Variants in AGFG1 observed in about 807,000 individuals in gnomAD.
AGFG1 encodes the protein arf-GAP domain and FG repeat-containing protein 1.
A neutral mutation model predicts 60.6 loss-of-function variants in AGFG1; 10 were observed. That is an observed-to-expected ratio of 0.16 (90% CI 0.10 to 0.28). The LOEUF is 0.28. Ranked by LOEUF, AGFG1 falls within the 10% of genes least tolerant of loss-of-function variation. The pLI is 1.00. For synonymous variants in AGFG1, 247 were observed against 242.9 expected, an observed-to-expected ratio of 1.02 and a Z score of -0.16; for missense variants, 537 against 676.5, an observed-to-expected ratio of 0.79 and a Z score of 2.29.
intron 2 of AGFG1, among the ~76,000 whole-genome samples, chr2:227,514,949 C>A (rs1160578169): frequency 1.3e-5 from 2 of 152,124 alleles, no homozygotes; most frequent in African/African-American, 4.8e-5. Flanking sequence ...GAGACAGGGT[C>A]TCACTGTATG....
At chr2:227,512,378 A>G (rs1403677858) in intron 2 of AGFG1, among the ~76,000 whole-genome samples, 3 of 152,198 alleles carry the variant, frequency 2.0e-5, no homozygotes, top group Admixed American at 1.3e-4. Context: ...CATTCAGTTT[A>G]TGTATTGTTT....
At chr2:227,490,275 CT>C (rs970929517) in intron 1 of AGFG1, among the ~76,000 whole-genome samples, 1 of 152,042 alleles carries the variant, frequency 6.6e-6, no homozygotes, top group Non-Finnish European at 1.5e-5. Context: ...CTGACAAATT[CT>C]TTAAAAATAT....
intron 2 of AGFG1, among the ~76,000 whole-genome samples, chr2:227,497,928 A>G (rs1400051344): frequency 6.6e-6 from 1 of 151,698 alleles, no homozygotes; most frequent in Non-Finnish European, 1.5e-5. Context: ...AGGACTCAAA[A>G]AAATCCGTGG....
chr2:227,486,360 T>C (rs1249009565), intron 1 of AGFG1, among the ~76,000 whole-genome samples: 1 of 152,194 alleles, frequency 6.6e-6, no homozygotes, highest in East Asian at 1.9e-4. Context: ...TATCATATTG[T>C]AGTAGAGGAG....
At chr2:227,524,320 G>A (rs1208010689) in intron 4 of AGFG1, among the ~76,000 whole-genome samples, 2 of 152,134 alleles carry the variant, frequency 1.3e-5, no homozygotes, top group Non-Finnish European at 2.9e-5. Context: ...TTCTTTAGTA[G>A]TAGAGTTTTC....
At chr2:227,512,102 G>T (rs1200417079) in intron 2 of AGFG1, among the ~76,000 whole-genome samples, 2 of 152,082 alleles carry the variant, frequency 1.3e-5, no homozygotes, top group African/African-American at 2.4e-5. Context: ...ATTTCATATC[G>T]CCTAAGTCTG....
intron 3 of AGFG1, among the ~76,000 whole-genome samples, chr2:227,520,535 G>C (rs1691794399): frequency 6.6e-6 from 1 of 151,718 alleles, no homozygotes; most frequent in Non-Finnish European, 1.5e-5. Context: ...TTTTTCTTTT[G>C]ACCTAAGAAA....
At chr2:227,508,688 A>ATTTTTTTTTTTT in intron 2 of AGFG1, 1 of 394,370 alleles carries the variant, frequency 2.5e-6, no homozygotes. Context: ...CACTGTTGGG[A>ATTTTTTTTTTTT]TTTTTTTTTT....
chr2:227,521,751 T>A (rs770407462), intron 3 of AGFG1, among the ~76,000 whole-genome samples: 1 of 152,210 alleles, frequency 6.6e-6, no homozygotes, highest in Non-Finnish European at 1.5e-5. Context: ...TGAGTAACAG[T>A]TGGTAGAATT....
At chr2:227,497,761 T>TTTTTTTTTTTTTG (rs546987888) in intron 2 of AGFG1, among the ~76,000 whole-genome samples, 6 of 65,160 alleles carry the variant, frequency 9.2e-5, no homozygotes, top group Non-Finnish European at 1.7e-4. Flanking sequence ...TTTTTTTTTT[T>TTTTTTTTTTTTTG]GGGGACGGAG....
intron 2 of AGFG1, among the ~76,000 whole-genome samples, chr2:227,514,904 CG>C (rs2106198896): frequency 6.6e-6 from 1 of 152,202 alleles, no homozygotes; most frequent in African/African-American, 2.4e-5. Context: ...TCATACCAGT[CG>C]GTCTCCCTCA....
intron 3 of AGFG1, among the ~76,000 whole-genome samples, chr2:227,521,226 T>C (rs976733361): frequency 2.0e-5 from 3 of 152,040 alleles, no homozygotes; most frequent in Non-Finnish European, 2.9e-5. Flanking sequence ...CCACCACGCC[T>C]GGCTAATTTT....
In AGFG1 at chr2:227,532,234, T is replaced by C. The variant is rs748410091; in HGVS notation, c.814+1024T>C. On this transcript the variant is annotated intron_variant, in intron 6 of 12. Transcript: ENST00000310078. ...AGTAAGTTCTGTTGTCAAGTAGGCATCTTATACTAATTTGTATATTTTTGC... is the reference window on the plus strand; with the variant it reads ...AGTAAGTTCTGTTGTCAAGTAGGCACCTTATACTAATTTGTATATTTTTGC... 7 of 1,514,336 alleles carry C rather than the reference T, an allele frequency of 4.6e-6. No homozygotes were observed. In the South Asian group the frequency reaches 8.8e-5, roughly 19 times the overall value. The allele number at this position is 1,514,336 out of a possible 1,614,324, so 93.8% of individuals were successfully genotyped here.
rs869114764 is a variant in AGFG1, at chr2:227,497,735, G to GTTTTTTTTTTTTTTTTT, written c.261+6105_261+6121dup. On this transcript the variant is annotated intron_variant, in intron 2 of 12. Coordinates refer to ENST00000310078, the MANE Select transcript of AGFG1 (RefSeq NM_004504.5). ...GCCAAATGAGTTTCTTTCTTGTTTTGTTTTTTTTTTTTTTTTTTTTTTTTT... is the reference window on the plus strand; with the variant it reads ...GCCAAATGAGTTTCTTTCTTGTTTTGTTTTTTTTTTTTTTTTTTTTTTTTTTTTTTTTTTTTTTTTTT... Among the ~76,000 whole-genome samples, 9 of 28,016 alleles carry GTTTTTTTTTTTTTTTTT rather than the reference G, an allele frequency of 3.2e-4. 3 individuals are homozygous for GTTTTTTTTTTTTTTTTT. Among genetic ancestry groups the GTTTTTTTTTTTTTTTTT allele is most frequent in the Non-Finnish European group, 5.0e-4 (7 of 14,030 alleles). 18.4% of individuals were successfully genotyped at this position (28,016 alleles called of 152,430 possible). A position where few individuals can be genotyped will look rare whatever the true frequency, so the allele number is the denominator to read the frequency against.
chr2:227,502,362 C>G (rs1229481087), intron 2 of AGFG1, among the ~76,000 whole-genome samples: 1 of 151,994 alleles, frequency 6.6e-6, no homozygotes, highest in Non-Finnish European at 1.5e-5. Flanking sequence ...ACTCTGTTGC[C>G]CAGACTGGAG....
intron 3 of AGFG1, among the ~76,000 whole-genome samples, chr2:227,522,450 T>A (rs1436159779): frequency 6.6e-6 from 1 of 152,242 alleles, no homozygotes; most frequent in Admixed American, 6.5e-5. Flanking sequence ...TGAAAGCAGT[T>A]GTTTGTGATT....
In AGFG1 at chr2:227,514,527, C is replaced by T. The variant is rs1337819190; in HGVS notation, c.262-5421C>T. ...ACTATTTAAAGTTTATATACCTGTT[C>T]CCAGTACAAAACATATATTAATTTA... is the stretch of plus-strand genomic sequence containing the variant. On this transcript the variant is annotated intron_variant, in intron 2 of 12. Coordinates refer to ENST00000310078, the MANE Select transcript of AGFG1 (RefSeq NM_004504.5). 3.3e-5 allele frequency among the ~76,000 whole-genome samples: 5 copies of T among 152,088 alleles called. No homozygotes were observed. The East Asian group carries it at 7.7e-4, about 23-fold the overall frequency.
At chr2:227,523,664 G>T in intron 3 of AGFG1, 99 bp from the exon 4 acceptor site, 35 of 1,173,140 alleles carry the variant, frequency 3.0e-5, no homozygotes, top group Admixed American at 4.8e-5. Context: ...TAAGATTAAT[G>T]GTGAAACAAT....
chr2:227,494,936 A>C (rs1690932756), intron 2 of AGFG1, among the ~76,000 whole-genome samples: 1 of 152,228 alleles, frequency 6.6e-6, no homozygotes, highest in African/African-American at 2.4e-5. Flanking sequence ...TAGCTGTGGT[A>C]AGCAAATAAT....
Sources: allele counts gnomAD v4.1 joint callset (sites outside exome capture counted in the v4.1 genomes callset), GRCh38; gene constraint gnomAD v4.1.1; transcripts MANE v1.5; gene names NCBI Gene and HGNC (gene_info 2026-07-23, HGNC 2026-07-21).